The following KLHL20 variants were observed in gnomAD, a reference collection of about 807,000 sequenced individuals.
The protein encoded by KLHL20 is kelch like family member 20.
Under a neutral mutation model 69.5 loss-of-function variants are expected in KLHL20, and 29 were observed. That is an observed-to-expected ratio of 0.42 (90% CI 0.31 to 0.57). The LOEUF (loss-of-function observed/expected upper bound fraction) is 0.57. KLHL20 is among the 20% of genes least tolerant of loss of function. The probability of loss-of-function intolerance (pLI) is 0.18; values close to 1 mark genes in which losing one functional copy is unlikely to be tolerated. For missense variants in KLHL20, 419 were observed against 776.0 expected (o/e 0.54, Z 5.47); for synonymous variants, 253 against 265.2 (o/e 0.95, Z 0.45).
At chr1:173,732,187 ACT>A (rs1672314756) in intron 2 of KLHL20, among the ~76,000 whole-genome samples, 1 of 149,510 alleles carries the variant, frequency 6.7e-6, no homozygotes, top group African/African-American at 2.5e-5. Flanking sequence ...ACAGAGCCAG[ACT>A]CTGTCTCAAA....
intron 2 of KLHL20, among the ~76,000 whole-genome samples, chr1:173,721,912 C>T (rs535379859): frequency 5.3e-5 from 8 of 152,026 alleles, no homozygotes; most frequent in Non-Finnish European, 1.0e-4. Context: ...TTTTTAAGGT[C>T]AAGTTGTTAA....
intron 8 of KLHL20, among the ~76,000 whole-genome samples, chr1:173,770,463 C>T (rs976125113): frequency 1.3e-5 from 2 of 151,926 alleles, no homozygotes; most frequent in Admixed American, 6.6e-5. Flanking sequence ...TTCTGGAGGC[C>T]GAGGCGGGTG....
intron 2 of KLHL20, among the ~76,000 whole-genome samples, chr1:173,725,825 C>T (rs1214061588): frequency 5.6e-4 from 85 of 152,192 alleles, no homozygotes; most frequent in Non-Finnish European, 1.3e-4. Flanking sequence ...ATGAGCGATG[C>T]AGAAGACGAA....
intron 3 of KLHL20, among the ~76,000 whole-genome samples, chr1:173,747,642 T>G (rs977078327): frequency 6.6e-5 from 10 of 152,144 alleles, no homozygotes; most frequent in African/African-American, 2.2e-4. Context: ...CATTTGCATT[T>G]ATTGCTCTGA....
intron 2 of KLHL20, among the ~76,000 whole-genome samples, chr1:173,730,543 C>G (rs1351659275): frequency 6.6e-6 from 1 of 150,992 alleles, no homozygotes; most frequent in Non-Finnish European, 1.5e-5. Context: ...TGGAACAGAA[C>G]AGAGCCCTCA....
At chr1:173,758,154 C>T (rs1276910445) in intron 7 of KLHL20, among the ~76,000 whole-genome samples, 1 of 151,900 alleles carries the variant, frequency 6.6e-6, no homozygotes, top group Non-Finnish European at 1.5e-5. Context: ...CCTGTGAGTC[C>T]CAGCTACTCA....
chr1:173,732,109 A>C (rs1672310087), intron 2 of KLHL20, among the ~76,000 whole-genome samples: 2 of 152,018 alleles, frequency 1.3e-5, no homozygotes, highest in African/African-American at 4.8e-5. Flanking sequence ...AGGCAGGAGA[A>C]TCACTTGAAC....
intron 8 of KLHL20, among the ~76,000 whole-genome samples, chr1:173,772,534 T>C (rs967062348): frequency 2.0e-5 from 3 of 152,248 alleles, no homozygotes; most frequent in African/African-American, 7.2e-5. Flanking sequence ...CCTGCTTTTC[T>C]TATAAGAACT....
chr1:173,773,752 G>A (rs899325667), intron 8 of KLHL20, among the ~76,000 whole-genome samples: 2 of 150,042 alleles, frequency 1.3e-5, no homozygotes, highest in South Asian at 2.1e-4. Flanking sequence ...GGTCACTCAC[G>A]CCTGTAATCC....
chr1:173,762,204 A>G (rs1647353694), intron 7 of KLHL20, among the ~76,000 whole-genome samples: 1 of 152,150 alleles, frequency 6.6e-6, no homozygotes, highest in Non-Finnish European at 1.5e-5. Context: ...GACCAATAAC[A>G]AGCAGCAAGA....
intron 5 of KLHL20, 21 bp downstream of exon 5, chr1:173,753,328 G>T (rs191015774): frequency 1.9e-6 from 3 of 1,557,920 alleles, no homozygotes; most frequent in East Asian, 4.5e-5. Context: ...CCCTGGATGG[G>T]AAAAATCAAC....
At chr1:173,750,550 A>G (rs528986298) in intron 3 of KLHL20, among the ~76,000 whole-genome samples, 2 of 150,572 alleles carry the variant, frequency 1.3e-5, no homozygotes, top group South Asian at 4.2e-4. Flanking sequence ...AAATGGCGCA[A>G]TCTTGGCTTA....
chr1:173,754,863 C>T (rs1258917773), intron 5 of KLHL20, among the ~76,000 whole-genome samples: 1 of 152,066 alleles, frequency 6.6e-6, no homozygotes, highest in Non-Finnish European at 1.5e-5. Flanking sequence ...GATAATAGTG[C>T]CTATTCCATA....
intron 2 of KLHL20, among the ~76,000 whole-genome samples, chr1:173,721,438 T>C (rs967016862): frequency 6.6e-6 from 1 of 152,228 alleles, no homozygotes; most frequent in Non-Finnish European, 1.5e-5. Flanking sequence ...AATTAAATAC[T>C]CTGAGTTCTT....
chr1:173,729,454 C>A (rs1672146583), intron 2 of KLHL20, among the ~76,000 whole-genome samples: 1 of 152,178 alleles, frequency 6.6e-6, no homozygotes, highest in African/African-American at 2.4e-5. Context: ...CCCTGATGAA[C>A]ATCAAAGCAA....
intron 10 of KLHL20, among the ~76,000 whole-genome samples, chr1:173,777,258 T>A (rs1176968529): frequency 6.6e-6 from 1 of 152,236 alleles, no homozygotes; most frequent in African/African-American, 2.4e-5. Flanking sequence ...ATATCTTGAT[T>A]GTGTATCCTG....
At chr1:173,754,072 T>C (rs1265708862) in intron 5 of KLHL20, among the ~76,000 whole-genome samples, 1 of 152,160 alleles carries the variant, frequency 6.6e-6, no homozygotes, top group Non-Finnish European at 1.5e-5. Context: ...CCTTGGTGAT[T>C]AAAGACATTT....
intron 3 of KLHL20, among the ~76,000 whole-genome samples, chr1:173,739,136 G>A (rs192119534): frequency 2.0e-3 from 304 of 151,906 alleles, no homozygotes; most frequent in African/African-American, 7.1e-3. Context: ...ACAGTGGCAC[G>A]ATCTCAGCTC....
intron 3 of KLHL20, among the ~76,000 whole-genome samples, chr1:173,743,520 G>T: frequency 1.3e-5 from 2 of 148,524 alleles, no homozygotes; most frequent in South Asian, 2.1e-4. Flanking sequence ...TACTATGATG[G>T]TTGCAAAGTG....
Sources: allele counts gnomAD v4.1 joint callset (sites outside exome capture counted in the v4.1 genomes callset), GRCh38; gene constraint gnomAD v4.1.1; transcripts MANE v1.5; gene names NCBI Gene and HGNC (gene_info 2026-07-23, HGNC 2026-07-21).